Variants in GRIP1 observed in about 807,000 individuals in gnomAD.
The protein encoded by GRIP1 is glutamate receptor-interacting protein 1.
In GRIP1, 45 loss-of-function variants were observed where a neutral mutation model predicts 129.9. The ratio of observed to expected loss-of-function variants is 0.35; its 90% CI spans 0.27 to 0.44. The LOEUF (loss-of-function observed/expected upper bound fraction) is 0.44, where lower values mean the gene tolerates loss of function less well. GRIP1 is among the 20% of genes least tolerant of loss of function. The pLI is 1.00. For synonymous variants in GRIP1, 530 were observed against 520.8 expected (o/e 1.02, Z -0.24); for missense variants, 1,196 against 1,396.8 (o/e 0.86, Z 2.29).
At chr12:66,357,551 TTAATC>T (rs1451135777) in intron 23 of GRIP1, among the ~76,000 whole-genome samples, 4 of 152,324 alleles carry the variant, frequency 2.6e-5, no homozygotes, top group East Asian at 3.9e-4. Flanking sequence ...TCATCAATCT[TTAATC>T]TAAAGGTTTT....
At chr12:66,521,387 T>C (rs996144274) in intron 5 of GRIP1, among the ~76,000 whole-genome samples, 1 of 152,240 alleles carries the variant, frequency 6.6e-6, no homozygotes, top group East Asian at 1.9e-4. Flanking sequence ...CTTTGATGCA[T>C]ACATATTTAT....
intron 23 of GRIP1, among the ~76,000 whole-genome samples, chr12:66,355,494 C>T (rs2054444261): frequency 6.6e-6 from 1 of 152,186 alleles, no homozygotes; most frequent in Non-Finnish European, 1.5e-5. Flanking sequence ...CCCCACTTTA[C>T]TACATAAAGG....
chr12:66,877,508 T>C (rs1049032836), intron 1 of GRIP1, among the ~76,000 whole-genome samples: 1 of 152,094 alleles, frequency 6.6e-6, no homozygotes, highest in African/African-American at 2.4e-5. Flanking sequence ...CTATTTCACC[T>C]TATTAAACAC....
chr12:66,969,328 C>G (rs2042039783), intron 1 of GRIP1, among the ~76,000 whole-genome samples: 1 of 152,176 alleles, frequency 6.6e-6, no homozygotes, highest in Non-Finnish European at 1.5e-5. Flanking sequence ...ATTTCTCCTT[C>G]TGATCTTCCA....
chr12:66,500,518 T>C (rs186921574), intron 7 of GRIP1, among the ~76,000 whole-genome samples: 7 of 152,274 alleles, frequency 4.6e-5, no homozygotes, highest in Non-Finnish European at 8.8e-5. Context: ...ATAGGGACGA[T>C]GGGAATTGTG....
At chr12:66,939,814 A>G (rs1008613102) in intron 1 of GRIP1, among the ~76,000 whole-genome samples, 7 of 152,188 alleles carry the variant, frequency 4.6e-5, no homozygotes, top group Non-Finnish European at 7.3e-5. Context: ...ACTTCATTCA[A>G]AAACTTCAAA....
chr12:66,680,337 ATTGAAATGCATATGC>A (rs1211215184), upstream of GRIP1, among the ~76,000 whole-genome samples: 3 of 152,186 alleles, frequency 2.0e-5, no homozygotes, highest in African/African-American at 7.2e-5. Flanking sequence ...ATCCACTGCT[ATTGAAATGCATATGC>A]TTTGTATTTT....
At chr12:66,535,255 T>A (rs1565837730) in intron 4 of GRIP1, among the ~76,000 whole-genome samples, 1 of 152,168 alleles carries the variant, frequency 6.6e-6, no homozygotes, top group African/African-American at 2.4e-5. Context: ...CCCAGAGGAA[T>A]ACAGATGTAT....
At chr12:66,629,824 T>C (rs990371028) in intron 1 of GRIP1, among the ~76,000 whole-genome samples, 2 of 152,194 alleles carry the variant, frequency 1.3e-5, no homozygotes, top group African/African-American at 4.8e-5. Flanking sequence ...TGTTGAAATT[T>C]TGTGTGAGAA....
At chr12:66,602,192 G>C (rs1435096019) in intron 1 of GRIP1, among the ~76,000 whole-genome samples, 1 of 152,146 alleles carries the variant, frequency 6.6e-6, no homozygotes, top group Non-Finnish European at 1.5e-5. Flanking sequence ...TTTTATCCCA[G>C]TCAGCATGAA....
chr12:66,369,316 CT>C (rs202170346), intron 23 of GRIP1, among the ~76,000 whole-genome samples: 2,964 of 125,866 alleles, frequency 0.024, 103 homozygotes, highest in African/African-American at 0.081. Context: ...GTGGATGATA[CT>C]TTTTTTTTCT....
intron 1 of GRIP1, among the ~76,000 whole-genome samples, chr12:66,920,238 T>C (rs929411184): frequency 5.3e-5 from 8 of 152,260 alleles, no homozygotes; most frequent in African/African-American, 1.9e-4. Flanking sequence ...TTGAGCAAGG[T>C]TCTCTTCCAC....
At chr12:66,633,071 GAC>G (rs2030978848) in intron 1 of GRIP1, among the ~76,000 whole-genome samples, 1 of 151,592 alleles carries the variant, frequency 6.6e-6, no homozygotes, top group South Asian at 2.1e-4. Context: ...AGAGCGCAGT[GAC>G]ACAATCTTGG....
chr12:66,981,258 T>C (rs2042238938), intron 1 of GRIP1, among the ~76,000 whole-genome samples: 1 of 152,092 alleles, frequency 6.6e-6, no homozygotes, highest in South Asian at 2.1e-4. Flanking sequence ...TAATACTTAA[T>C]GCTTATTATG....
chr12:66,835,596 A>C (rs1276532271), intron 1 of GRIP1, among the ~76,000 whole-genome samples: 1 of 152,222 alleles, frequency 6.6e-6, no homozygotes, highest in African/African-American at 2.4e-5. Flanking sequence ...GTATTAAGCC[A>C]TGGAAAACCA....
chr12:66,396,477 T>C (rs1306156733), intron 16 of GRIP1, among the ~76,000 whole-genome samples: 1 of 152,226 alleles, frequency 6.6e-6, no homozygotes, highest in African/African-American at 2.4e-5. Context: ...TCCATGTTAT[T>C]TTTTGACAAT....
intron 1 of GRIP1, among the ~76,000 whole-genome samples, chr12:66,615,551 T>G (rs1051876722): frequency 1.3e-5 from 2 of 152,188 alleles, no homozygotes; most frequent in African/African-American, 4.8e-5. Flanking sequence ...CCACTCTACA[T>G]AGCAAGTAAA....
At chr12:66,943,306 A>T (rs1758680974) in intron 1 of GRIP1, among the ~76,000 whole-genome samples, 1 of 152,210 alleles carries the variant, frequency 6.6e-6, no homozygotes, top group Non-Finnish European at 1.5e-5. Flanking sequence ...GAGATGGGAA[A>T]GCTTGAGAAA....
At chr12:66,765,936 T>C (rs769214615) in intron 1 of GRIP1, among the ~76,000 whole-genome samples, 13 of 152,282 alleles carry the variant, frequency 8.5e-5, no homozygotes, top group East Asian at 1.9e-4. Flanking sequence ...CTTAGTTAAA[T>C]AGTGTGTGGG....
Sources: gnomAD v4.1 joint callset for allele counts (sites outside exome capture counted in the v4.1 genomes callset) on GRCh38, gnomAD v4.1.1 for gene constraint, MANE v1.5 for transcripts, NCBI Gene and HGNC (gene_info 2026-07-23, HGNC 2026-07-21) for gene names.